Variants in SLC16A10 observed in about 807,000 individuals in gnomAD.
The protein encoded by SLC16A10 is solute carrier family 16 member 10.
Under a neutral mutation model 40.0 loss-of-function variants are expected in SLC16A10, and 27 were observed. The ratio of observed to expected loss-of-function variants is 0.67; its 90% CI spans 0.50 to 0.93. SLC16A10 has a LOEUF of 0.93. Among genes scored for constraint, SLC16A10 ranks in the 40% least tolerant of loss-of-function variants. SLC16A10 has a pLI of 0.00. For missense variants in SLC16A10, 529 were observed against 658.2 expected, an observed-to-expected ratio of 0.80 and a Z score of 2.15; for synonymous variants, 213 against 249.8, an observed-to-expected ratio of 0.85 and a Z score of 1.39.
chr6:111,112,351 A>G (rs1771404778), intron 1 of SLC16A10, among the ~76,000 whole-genome samples: 1 of 152,030 alleles, frequency 6.6e-6, no homozygotes, highest in African/African-American at 2.4e-5. Flanking sequence ...TGTATTTTTG[A>G]TACTGAGCTT....
At chr6:111,208,531 T>C (rs1327755510) in intron 4 of SLC16A10, among the ~76,000 whole-genome samples, 1 of 151,912 alleles carries the variant, frequency 6.6e-6, no homozygotes, top group Non-Finnish European at 1.5e-5. Context: ...TGAGCTGAGA[T>C]TGTGCCACTG....
intron 1 of SLC16A10, among the ~76,000 whole-genome samples, chr6:111,141,998 T>C (rs934799748): frequency 6.7e-6 from 1 of 148,660 alleles, no homozygotes; most frequent in Non-Finnish European, 1.5e-5. Flanking sequence ...TGACATGCTA[T>C]TGAAGCAGAA....
At chr6:111,215,472 C>G (rs1211984661) in intron 4 of SLC16A10, among the ~76,000 whole-genome samples, 1 of 145,544 alleles carries the variant, frequency 6.9e-6, no homozygotes, top group Admixed American at 6.8e-5. Context: ...AAATATGAAG[C>G]ACATTAAAAG....
chr6:111,151,948 C>T (rs1428750019), intron 1 of SLC16A10, among the ~76,000 whole-genome samples: 8 of 152,042 alleles, frequency 5.3e-5, no homozygotes, highest in Admixed American at 3.3e-4. Context: ...ACACCTTGGT[C>T]GATTATCACA....
intron 3 of SLC16A10, among the ~76,000 whole-genome samples, chr6:111,201,755 T>C (rs1562431704): frequency 6.6e-6 from 1 of 152,234 alleles, no homozygotes; most frequent in Non-Finnish European, 1.5e-5. Flanking sequence ...ATCCTTGCTT[T>C]GCAGGTGTGT....
At chr6:111,121,500 G>T (rs1417085919) in intron 1 of SLC16A10, among the ~76,000 whole-genome samples, 1 of 152,190 alleles carries the variant, frequency 6.6e-6, no homozygotes, top group Admixed American at 6.5e-5. Context: ...AGTTGAGGCT[G>T]TGGTCAGCTC....
In SLC16A10 at chr6:111,155,113, G is replaced by A. The variant is rs568112422; in HGVS notation, c.344-17582G>A. Reference sequence around the variant, plus strand: ...GATCTCATCTGGGTTATGGATTCTAGGTCTGGCCTCATCTAAGGTGACACA... The same window carrying A: ...GATCTCATCTGGGTTATGGATTCTAAGTCTGGCCTCATCTAAGGTGACACA... On this transcript the variant is annotated intron_variant, in intron 1 of 5. Transcript: ENST00000368851. Among the ~76,000 whole-genome samples, 5 of 151,616 alleles carry A rather than the reference G, an allele frequency of 3.3e-5. No homozygotes were observed. The South Asian group carries it at 8.4e-4, about 25-fold the overall frequency.
intron 3 of SLC16A10, among the ~76,000 whole-genome samples, chr6:111,180,091 G>T (rs1195981921): frequency 6.6e-6 from 1 of 152,226 alleles, no homozygotes. Flanking sequence ...GTAAAAATTT[G>T]CTCTGAAGGA....
rs1562440756 is a variant in SLC16A10, at chr6:111,227,585, C to T, written c.*5350C>T. The T allele has an allele frequency of 6.6e-6, 1 of 152,054 alleles. No individual in the cohort carries two copies. Among genetic ancestry groups the T allele is most frequent in the Non-Finnish European group, 1.5e-5 (1 of 68,000 alleles). The allele number at this position is 152,054 out of a possible 1,614,324, so 9.4% of individuals were successfully genotyped here. A position where few individuals can be genotyped will look rare whatever the true frequency, so the allele number is the denominator to read the frequency against. On this transcript the variant is annotated 3_prime_UTR_variant, in exon 6 of 6. Coordinates refer to ENST00000368851, the MANE Select transcript of SLC16A10 (RefSeq NM_018593.5). ...TTTTTAAAATTATCAAATTTTAAATCGTAAACTTTGTCTTCACTTCCACAC... is the reference window on the plus strand; with the variant it reads ...TTTTTAAAATTATCAAATTTTAAATTGTAAACTTTGTCTTCACTTCCACAC...
chr6:111,177,864 G>A (rs1772715376), intron 3 of SLC16A10, among the ~76,000 whole-genome samples, 199 bp downstream of exon 3: 1 of 152,134 alleles, frequency 6.6e-6, no homozygotes, highest in Non-Finnish European at 1.5e-5. Context: ...GTTTCATAGT[G>A]TGCTTTGGTA....
intron 1 of SLC16A10, among the ~76,000 whole-genome samples, chr6:111,115,053 A>G (rs1260256101): frequency 6.6e-6 from 1 of 151,908 alleles, no homozygotes; most frequent in Non-Finnish European, 1.5e-5. Flanking sequence ...ATTTAATTGT[A>G]TGTTCTTCTA....
intron 3 of SLC16A10, among the ~76,000 whole-genome samples, chr6:111,201,644 C>A (rs185803733): frequency 5.9e-4 from 90 of 152,238 alleles, no homozygotes; most frequent in Middle Eastern, 3.4e-3. Flanking sequence ...AGTACTCACC[C>A]CCTTAAAAGG....
chr6:111,102,362 T>C (rs1400557245), intron 1 of SLC16A10, among the ~76,000 whole-genome samples: 1 of 152,234 alleles, frequency 6.6e-6, no homozygotes, highest in Non-Finnish European at 1.5e-5. Context: ...TAGTATTTGC[T>C]AATTTGATAA....
intron 1 of SLC16A10, among the ~76,000 whole-genome samples, chr6:111,099,792 G>A (rs905308778): frequency 6.6e-6 from 1 of 152,096 alleles, no homozygotes; most frequent in Non-Finnish European, 1.5e-5. Context: ...GGAGGCTGAG[G>A]CAGATGAATT....
chr6:111,109,793 G>A (rs1771353381), intron 1 of SLC16A10, among the ~76,000 whole-genome samples: 1 of 152,044 alleles, frequency 6.6e-6, no homozygotes, highest in African/African-American at 2.4e-5. Context: ...TGGATATTGG[G>A]TTGTTTTCAG....
chr6:111,092,091 G>A (rs1424699804), intron 1 of SLC16A10, among the ~76,000 whole-genome samples: 5 of 152,212 alleles, frequency 3.3e-5, no homozygotes, highest in African/African-American at 7.2e-5. Flanking sequence ...GGCATTTGAC[G>A]CCTCTTTCTC....
chr6:111,089,035 CTAAGTGATTTCCAT>C (rs1191083831), intron 1 of SLC16A10, among the ~76,000 whole-genome samples: 1 of 152,014 alleles, frequency 6.6e-6, no homozygotes, highest in African/African-American at 2.4e-5. Flanking sequence ...ACTTCAAGGG[CTAAGTGATTTCCAT>C]TACTAAATCA....
chr6:111,131,435 G>A (rs913941295), intron 1 of SLC16A10, among the ~76,000 whole-genome samples: 4 of 152,198 alleles, frequency 2.6e-5, no homozygotes, highest in African/African-American at 4.8e-5. Flanking sequence ...GAAGCAGCCC[G>A]CCACCATCTT....
intron 1 of SLC16A10, among the ~76,000 whole-genome samples, chr6:111,125,436 G>A (rs1203681726): frequency 6.6e-6 from 1 of 151,984 alleles, no homozygotes; most frequent in African/African-American, 2.4e-5. Flanking sequence ...CACATTTATG[G>A]TAAGATATAA....
Sources: allele counts gnomAD v4.1 joint callset (sites outside exome capture counted in the v4.1 genomes callset), GRCh38; gene constraint gnomAD v4.1.1; transcripts MANE v1.5; gene names NCBI Gene and HGNC (gene_info 2026-07-23, HGNC 2026-07-21).